The following RBFOX1 variants were observed in gnomAD, a reference collection of about 807,000 sequenced individuals.
The protein encoded by RBFOX1 is RNA binding protein fox-1 homolog 1.
RBFOX1 carries 8 observed loss-of-function variants against 57.7 expected under a neutral mutation model. The observed-to-expected ratio is 0.14, with a 90% CI of 0.08 to 0.25. The LOEUF (loss-of-function observed/expected upper bound fraction) is 0.25. Among genes scored for constraint, RBFOX1 ranks in the 10% least tolerant of loss-of-function variants. RBFOX1 has a pLI of 1.00. For synonymous variants in RBFOX1, 326 were observed against 222.4 expected, an observed-to-expected ratio of 1.47 and a Z score of -4.15; for missense variants, 611 against 548.5, an observed-to-expected ratio of 1.11 and a Z score of -1.14.
chr16:6,184,891 A>G (rs1426545263), intron 1 of RBFOX1, among the ~76,000 whole-genome samples: 1 of 152,148 alleles, frequency 6.6e-6, no homozygotes. Context: ...AAGCTTGAGC[A>G]TTCAGAAAAT....
intron 3 of RBFOX1, among the ~76,000 whole-genome samples, chr16:6,995,371 G>A (rs1355804825): frequency 6.6e-6 from 1 of 151,362 alleles, no homozygotes; most frequent in Non-Finnish European, 1.5e-5. Context: ...CCAACTTGGG[G>A]AGGGGGATGG....
intron 1 of RBFOX1, among the ~76,000 whole-genome samples, chr16:5,370,378 CTAT>C (rs2065826840): frequency 6.6e-6 from 1 of 151,556 alleles, no homozygotes. Context: ...GTGCCAGATG[CTAT>C]GAGCTGTGGA....
chr16:5,582,053 C>G (rs1447437021), intron 2 of RBFOX1, among the ~76,000 whole-genome samples: 1 of 152,214 alleles, frequency 6.6e-6, no homozygotes, highest in Non-Finnish European at 1.5e-5. Context: ...AGCATAGAAT[C>G]CACATTCAAA....
intron 4 of RBFOX1, among the ~76,000 whole-genome samples, chr16:7,270,708 C>G (rs1411822780): frequency 3.9e-5 from 6 of 152,200 alleles, no homozygotes; most frequent in Non-Finnish European, 7.3e-5. Context: ...GAAACATTCA[C>G]TACTGTTTCT....
chr16:6,705,876 G>A (rs979800445), intron 3 of RBFOX1, among the ~76,000 whole-genome samples: 7 of 152,072 alleles, frequency 4.6e-5, no homozygotes, highest in Non-Finnish European at 8.8e-5. Context: ...ACATTAGCTG[G>A]GCATGGTGGT....
chr16:6,515,341 T>C lies in RBFOX1; in HGVS notation c.-63-139262T>C, dbSNP rs180877192. ...TTGTCAGACACATTGCTTATGCCAG[T>C]CTTCTACTCAAACAACCTTCAGAAG... On this transcript the variant is annotated intron_variant, in intron 2 of 15. Coordinates refer to ENST00000550418, the MANE Select transcript of RBFOX1 (RefSeq NM_018723.4). Among the ~76,000 whole-genome samples, 155 of 152,236 alleles carry C rather than the reference T, an allele frequency of 1.0e-3. No individual in the cohort carries two copies. In the East Asian group the frequency reaches 0.013, roughly 13 times the overall value.
intron 4 of RBFOX1, among the ~76,000 whole-genome samples, chr16:7,396,624 A>G (rs79019956): frequency 6.6e-6 from 1 of 152,184 alleles, no homozygotes; most frequent in South Asian, 2.1e-4. Context: ...TGTCAATGGA[A>G]ATAAGGACAA....
In RBFOX1 at chr16:5,768,554, T is replaced by G. The variant is rs868402193; in HGVS notation, c.319-98749T>G. ...TCCAGTGTTTTCGGCCCACATGACA[T>G]ACCAGCGTGGATCCTGTTTGAAAGC... On this transcript the variant is annotated intron_variant, in intron 3 of 19. Transcript: ENST00000641259. Among the ~76,000 whole-genome samples the G allele has an allele frequency of 7.2e-5, 11 of 152,288 alleles. No individual in the cohort carries two copies. The Middle Eastern group carries it at 0.01, about 141-fold the overall frequency.
intron 4 of RBFOX1, among the ~76,000 whole-genome samples, chr16:7,342,471 A>G (rs2096917151): frequency 6.6e-6 from 1 of 152,224 alleles, no homozygotes; most frequent in African/African-American, 2.4e-5. Context: ...CAATCAGCTC[A>G]TTGTACCAAC....
intron 5 of RBFOX1, among the ~76,000 whole-genome samples, chr16:7,572,707 C>T (rs1358622219): frequency 6.6e-6 from 1 of 152,120 alleles, no homozygotes; most frequent in Non-Finnish European, 1.5e-5. Context: ...GGCGTAGTGG[C>T]TGGCGCCTGT....
chr16:5,937,077 A>T (rs1238286505), intron 4 of RBFOX1, among the ~76,000 whole-genome samples: 1 of 144,480 alleles, frequency 6.9e-6, no homozygotes, highest in African/African-American at 2.4e-5. Flanking sequence ...TCATAGACCT[A>T]TTGTAAGGGC....
intron 2 of RBFOX1, among the ~76,000 whole-genome samples, chr16:6,591,311 C>T (rs60268748): frequency 0.31 from 46,602 of 151,814 alleles, 8,218 homozygotes; most frequent in Middle Eastern, 0.43. Context: ...AAGTATTAGC[C>T]GGTGCAGTGG....
At chr16:5,452,100 A>ATATC (rs1555523175) in intron 1 of RBFOX1, among the ~76,000 whole-genome samples, 1 of 140,542 alleles carries the variant, frequency 7.1e-6, no homozygotes, top group African/African-American at 2.8e-5. Context: ...ATTCTGATTT[A>ATATC]TCTCTCTCTC....
chr16:5,841,330 T>C (rs2056618798), intron 3 of RBFOX1, among the ~76,000 whole-genome samples: 1 of 152,174 alleles, frequency 6.6e-6, no homozygotes, highest in Non-Finnish European at 1.5e-5. Context: ...AATGTTCTTA[T>C]CACCATGCAG....
intron 3 of RBFOX1, among the ~76,000 whole-genome samples, chr16:6,997,240 A>G (rs1290020085): frequency 6.6e-6 from 1 of 152,148 alleles, no homozygotes; most frequent in Non-Finnish European, 1.5e-5. Flanking sequence ...TTTGAAGACT[A>G]GAGTGATTTG....
At chr16:7,076,052 T>C (rs1482853966) in intron 4 of RBFOX1, among the ~76,000 whole-genome samples, 1 of 147,990 alleles carries the variant, frequency 6.8e-6, no homozygotes, top group Admixed American at 6.7e-5. Flanking sequence ...TTTTTTTTTC[T>C]TTTTTTTTCG....
chr16:6,134,402 T>C (rs1034897694), intron 1 of RBFOX1, among the ~76,000 whole-genome samples: 1 of 152,222 alleles, frequency 6.6e-6, no homozygotes, highest in African/African-American at 2.4e-5. Context: ...CAGGATCTGA[T>C]GGATATCCAC....
At chr16:6,984,283 C>T (rs1445955051) in intron 3 of RBFOX1, among the ~76,000 whole-genome samples, 1 of 152,076 alleles carries the variant, frequency 6.6e-6, no homozygotes, top group African/African-American at 2.4e-5. Context: ...TCCTCCTGTA[C>T]TACCTGTGTG....
intron 2 of RBFOX1, among the ~76,000 whole-genome samples, chr16:6,338,847 AT>A (rs2084127212): frequency 6.6e-6 from 1 of 152,212 alleles, no homozygotes; most frequent in African/African-American, 2.4e-5. Context: ...TTAATCTTTT[AT>A]TTTGTGGTAG....
Sources: gnomAD v4.1 joint callset for allele counts (sites outside exome capture counted in the v4.1 genomes callset) on GRCh38, gnomAD v4.1.1 for gene constraint, MANE v1.5 for transcripts, NCBI Gene and HGNC (gene_info 2026-07-23, HGNC 2026-07-21) for gene names.